MPHOSPH9: variants seen among roughly 807,000 people sequenced by gnomAD.
MPHOSPH9 encodes M-phase phosphoprotein 9.
Under a neutral mutation model 145.5 loss-of-function variants are expected in MPHOSPH9, and 88 were observed. The ratio of observed to expected loss-of-function variants is 0.60; its 90% CI spans 0.51 to 0.72. The LOEUF (loss-of-function observed/expected upper bound fraction) is 0.72. Among genes scored for constraint, MPHOSPH9 ranks in the 30% least tolerant of loss-of-function variants. The pLI, the probability that MPHOSPH9 is intolerant of heterozygous loss-of-function variation, is 0.00. For synonymous variants in MPHOSPH9, 435 were observed against 486.2 expected, an observed-to-expected ratio of 0.89 and a Z score of 1.39; for missense variants, 1,238 against 1,386.6, an observed-to-expected ratio of 0.89 and a Z score of 1.70.
chr12:123,163,735 T>TA, intron 19 of MPHOSPH9: 1 of 451,148 alleles, frequency 2.2e-6, no homozygotes, highest in East Asian at 3.4e-5. Flanking sequence ...AATCTCACTT[T>TA]AATAAACAGA....
intron 8 of MPHOSPH9, among the ~76,000 whole-genome samples, chr12:123,209,359 A>T (rs184865948): frequency 1.3e-5 from 2 of 152,324 alleles, no homozygotes; most frequent in East Asian, 3.9e-4. Flanking sequence ...TTGAAAAATA[A>T]AATTTATACT....
In MPHOSPH9 at chr12:123,163,055, T is replaced by C; in HGVS notation, c.2988A>G (p.Gly996=). 1 of 1,597,260 alleles carries C rather than the reference T, an allele frequency of 6.3e-7. No individual in the cohort carries two copies. Residue 996 remains glycine, a synonymous_variant, in exon 20 of 24, where the codon GGA becomes GGG. Transcript: ENST00000606320. ...KRSPKENLSP[G]FSHLLSKNES... ...CATTTTTGCTAAGCAGATGACTAAA[T>C]CCTGGGGACAAGTTTTCTTTAGGGG... is the stretch of plus-strand genomic sequence containing the variant.
chr12:123,164,806 C>T (rs937948783), intron 18 of MPHOSPH9, among the ~76,000 whole-genome samples: 4 of 152,056 alleles, frequency 2.6e-5, no homozygotes, highest in African/African-American at 7.2e-5. Flanking sequence ...GCCAGGAGTT[C>T]GAGACCAACC....
Position 123,163,148 on chromosome 12 carries a change from T to C in MPHOSPH9, c.2909-14A>G. The C allele has an allele frequency of 6.4e-7, 1 of 1,568,964 alleles. No individual in the cohort carries two copies. The highest frequency in any genetic ancestry group is 1.2e-5 in the South Asian group (1 of 81,948). The stretch of plus-strand genomic sequence containing the variant: ...TCTCTCTTTTTGCTATAGAAGAAAA[T>C]GAAGAGGAAATATTCTTTTCCTTCT... On this transcript the variant is annotated splice_polypyrimidine_tract_variant and intron_variant, in intron 19 of 23. Transcript: ENST00000606320.
chr12:123,184,092 G>T (rs2138136591), intron 13 of MPHOSPH9, among the ~76,000 whole-genome samples: 1 of 151,842 alleles, frequency 6.6e-6, no homozygotes, highest in African/African-American at 2.4e-5. Flanking sequence ...TGTAGTCCCA[G>T]CTACTGGGGA....
At chr12:123,184,960 C>T (rs1436725719) in intron 13 of MPHOSPH9, among the ~76,000 whole-genome samples, 4 of 152,062 alleles carry the variant, frequency 2.6e-5, no homozygotes, top group Admixed American at 2.0e-4. Flanking sequence ...TGCACCATCA[C>T]ACCCAGCTAA....
intron 13 of MPHOSPH9, among the ~76,000 whole-genome samples, chr12:123,193,120 C>T (rs796890792): frequency 0.014 from 1,947 of 137,318 alleles, 86 homozygotes; most frequent in East Asian, 0.094. Context: ...CACACACACA[C>T]ACACACACAC....
At chr12:123,169,430 C>T (rs1391821997) in intron 16 of MPHOSPH9, among the ~76,000 whole-genome samples, 2 of 150,444 alleles carry the variant, frequency 1.3e-5, no homozygotes, top group African/African-American at 2.4e-5. Context: ...GCCCAGGAGG[C>T]GGAGTTTGCA....
At chr12:123,174,848 TGAGA>T (rs1387568566) in intron 16 of MPHOSPH9, among the ~76,000 whole-genome samples, 1 of 152,206 alleles carries the variant, frequency 6.6e-6, no homozygotes, top group Non-Finnish European at 1.5e-5. Context: ...TTTAGTTGTT[TGAGA>T]GAGAAACCAA....
intron 7 of MPHOSPH9, among the ~76,000 whole-genome samples, chr12:123,214,360 G>A (rs1370054808): frequency 1.3e-5 from 2 of 152,154 alleles, no homozygotes; most frequent in Middle Eastern, 3.4e-3. Context: ...GCAACATGGC[G>A]AAACCCTGTC....
chr12:123,214,001 T>A (rs959064084), intron 7 of MPHOSPH9, among the ~76,000 whole-genome samples: 7 of 152,076 alleles, frequency 4.6e-5, no homozygotes, highest in Non-Finnish European at 8.8e-5. Context: ...TAGAAAGATT[T>A]GTAAGGCAAA....
At chr12:123,181,054 A>G (rs2045110908) in intron 14 of MPHOSPH9, 109 bp downstream of exon 14, 6 of 972,636 alleles carry the variant, frequency 6.2e-6, no homozygotes, top group African/African-American at 1.6e-5. Context: ...TTCAACAGCT[A>G]CGGAGGTTCA....
chr12:123,197,944 C>T (rs1202446509), intron 12 of MPHOSPH9, among the ~76,000 whole-genome samples: 11 of 151,378 alleles, frequency 7.3e-5, no homozygotes, highest in Admixed American at 5.3e-4. Flanking sequence ...ATTAGCTGGG[C>T]GTGGTGGAGG....
intron 23 of MPHOSPH9, among the ~76,000 whole-genome samples, chr12:123,158,193 T>C (rs11057172): frequency 0.02 from 2,991 of 152,168 alleles, 57 homozygotes; most frequent in South Asian, 0.057. Context: ...TTTCGCCATA[T>C]TGGCCAAGCT....
intron 2 of MPHOSPH9, 126 bp downstream of exon 2, chr12:123,230,135 T>C (rs1246603677): frequency 3.2e-6 from 2 of 629,200 alleles, no homozygotes; most frequent in African/African-American, 3.8e-5. Flanking sequence ...CTGAACATTC[T>C]TGATGATAGG....
chr12:123,216,789 G>T (rs2046980902), intron 6 of MPHOSPH9, among the ~76,000 whole-genome samples: 1 of 152,020 alleles, frequency 6.6e-6, no homozygotes. Flanking sequence ...CTTGAGGTCT[G>T]GCCAGCCTAA....
At chr12:123,210,986 T>C (rs1383548417) in intron 7 of MPHOSPH9, among the ~76,000 whole-genome samples, 18 of 131,040 alleles carry the variant, frequency 1.4e-4, no homozygotes, top group Non-Finnish European at 2.1e-4. Flanking sequence ...TCTTTTTTTT[T>C]TTTTTTTTTT....
chr12:123,178,411 A>G lies in MPHOSPH9; in HGVS notation c.2354+1515T>C, dbSNP rs187847530. ...CTAGACAGCATTTCTGTTCTTCTCTATGAGAACTCCTTAAGACTGCAGTAA... is the reference window on the plus strand; with the variant it reads ...CTAGACAGCATTTCTGTTCTTCTCTGTGAGAACTCCTTAAGACTGCAGTAA... On this transcript the variant is annotated intron_variant, in intron 15 of 23. Transcript: ENST00000606320. Among the ~76,000 whole-genome samples, 7 of 152,378 alleles carry G rather than the reference A, an allele frequency of 4.6e-5. No homozygotes were observed. The East Asian group carries it at 7.7e-4, about 17-fold the overall frequency.
intron 2 of MPHOSPH9, 43 bp downstream of exon 2, chr12:123,230,218 G>A (rs2047588317): frequency 1.9e-6 from 2 of 1,031,218 alleles, no homozygotes; most frequent in African/African-American, 1.6e-5. Flanking sequence ...ATGCAAATAA[G>A]GTTATTCTGA....
Sources: gnomAD v4.1 joint callset for allele counts (sites outside exome capture counted in the v4.1 genomes callset) on GRCh38, gnomAD v4.1.1 for gene constraint, MANE v1.5 for transcripts, NCBI Gene and HGNC (gene_info 2026-07-23, HGNC 2026-07-21) for gene names.